Variants in CCDC85C observed in about 807,000 individuals in gnomAD.
CCDC85C encodes the protein coiled-coil domain containing 85C, also known as coiled-coil domain-containing protein 85C.
In CCDC85C, 18 loss-of-function variants were observed where a neutral mutation model predicts 38.3. The observed-to-expected ratio is 0.47, with a 90% CI of 0.33 to 0.70. The LOEUF (loss-of-function observed/expected upper bound fraction) is 0.70, where lower values mean the gene tolerates loss of function less well. Ranked by LOEUF, CCDC85C falls within the 30% of genes least tolerant of loss-of-function variation. The probability of loss-of-function intolerance (pLI) is 0.03; values close to 1 mark genes in which losing one functional copy is unlikely to be tolerated. For missense variants in CCDC85C, 566 were observed against 621.2 expected (o/e 0.91, Z 0.94); for synonymous variants, 264 against 293.8 (o/e 0.90, Z 1.04).
chr14:99,519,507 A>G (rs994315408), intron 3 of CCDC85C, among the ~76,000 whole-genome samples: 4 of 152,256 alleles, frequency 2.6e-5, no homozygotes, highest in Middle Eastern at 3.4e-3. Flanking sequence ...CTGGGCGCCA[A>G]ACCCAAGTCT....
At chr14:99,574,027 A>G (rs1350357660) in intron 1 of CCDC85C, among the ~76,000 whole-genome samples, 1 of 152,220 alleles carries the variant, frequency 6.6e-6, no homozygotes, top group Non-Finnish European at 1.5e-5. Context: ...TGGAACTGGC[A>G]TTTGGATCTT....
Position 99,509,813 on chromosome 14 carries a change from A to G in CCDC85C, c.*5433T>C. On this transcript the variant is annotated 3_prime_UTR_variant, in exon 6 of 6. Transcript: ENST00000380243. The stretch of plus-strand genomic sequence containing the variant: ...CCCTGGGGTCAGTTTCTGAAGGCAG[A>G]AAAACAGAGGAGCCCCCACACGTTT... The G allele has an allele frequency of 2.8e-6, 1 of 351,030 alleles. No homozygotes were observed. Among genetic ancestry groups the G allele is most frequent in the Non-Finnish European group, 5.2e-6 (1 of 192,608 alleles). 21.7% of individuals were successfully genotyped at this position (351,030 alleles called of 1,614,324 possible).
At chr14:99,582,588 G>A (rs2054985166) in intron 1 of CCDC85C, among the ~76,000 whole-genome samples, 2 of 152,094 alleles carry the variant, frequency 1.3e-5, no homozygotes, top group Admixed American at 6.5e-5. Context: ...AGCCAAGCCA[G>A]GTGGATCACC....
At chr14:99,555,357 G>A (rs902988237) in intron 1 of CCDC85C, among the ~76,000 whole-genome samples, 1 of 152,182 alleles carries the variant, frequency 6.6e-6, no homozygotes, top group Non-Finnish European at 1.5e-5. Context: ...GGTGTCCGCC[G>A]GCTTGTCCAA....
At position 99,507,254 on chromosome 14, in the gene CCDC85C, AAT is replaced by A. The variant is rs1883081124; in HGVS notation, c.*7990_*7991del. On this transcript the variant is annotated 3_prime_UTR_variant, in exon 6 of 6. Coordinates refer to ENST00000380243, the MANE Select transcript of CCDC85C (RefSeq NM_001144995.2). Reference sequence around the variant, plus strand: ...AAGGGAGACTGGGGCCCAGATTGACAATGTCAGCCACAGGCAGGAATCTTTGC... The same window carrying A: ...AAGGGAGACTGGGGCCCAGATTGACAGTCAGCCACAGGCAGGAATCTTTGC... 1 of 773,310 alleles carries A rather than the reference AAT, an allele frequency of 1.3e-6. No individual in the cohort carries two copies. Among genetic ancestry groups the A allele is most frequent in the African/African-American group, 1.7e-5 (1 of 58,574 alleles). 47.9% of individuals were successfully genotyped at this position (773,310 alleles called of 1,614,324 possible). A position where few individuals can be genotyped will look rare whatever the true frequency, so the allele number is the denominator to read the frequency against.
intron 1 of CCDC85C, among the ~76,000 whole-genome samples, chr14:99,560,421 T>C (rs2139948387): frequency 6.6e-6 from 1 of 152,114 alleles, no homozygotes; most frequent in East Asian, 1.9e-4. Flanking sequence ...GGATGACTGC[T>C]CACAGCACCA....
chr14:99,597,062 C>A (rs2055150698), intron 1 of CCDC85C, among the ~76,000 whole-genome samples: 1 of 152,132 alleles, frequency 6.6e-6, no homozygotes, highest in South Asian at 2.1e-4. Context: ...ACAGAAGGCT[C>A]TCTCCTGTGG....
chr14:99,579,700 C>A (rs192406820), intron 1 of CCDC85C, among the ~76,000 whole-genome samples: 1 of 151,942 alleles, frequency 6.6e-6, no homozygotes, highest in South Asian at 2.1e-4. Context: ...GGGGAGGCAG[C>A]GGGAGGCAGG....
In CCDC85C at chr14:99,588,159, G is replaced by C. The variant is rs996840066; in HGVS notation, c.793+15008C>G. On this transcript the variant is annotated intron_variant, in intron 1 of 5. Coordinates refer to ENST00000380243, the MANE Select transcript of CCDC85C (RefSeq NM_001144995.2). This position sits in a 1 kb window ranked among gnomAD's most constrained non-coding sequence, Gnocchi z 5.0. ...GCAGACCAACAAGGGGCAGGTCTGGGGAGACAAGCATCTCAGCCGAACACA... is the reference window on the plus strand; with the variant it reads ...GCAGACCAACAAGGGGCAGGTCTGGCGAGACAAGCATCTCAGCCGAACACA... 6.6e-6 allele frequency among the ~76,000 whole-genome samples: 1 copy of C among 152,142 alleles called. No individual in the cohort carries two copies. Among genetic ancestry groups the C allele is most frequent in the Admixed American group, 6.5e-5 (1 of 15,274 alleles).
intron 1 of CCDC85C, chr14:99,579,894 C>T (rs2054946587): frequency 2.9e-6 from 1 of 340,788 alleles, no homozygotes; most frequent in African/African-American, 2.2e-5. Context: ...CCAGAGGTCG[C>T]CCAAGGCCAG....
At chr14:99,568,839 A>C (rs937498229) in intron 1 of CCDC85C, among the ~76,000 whole-genome samples, 1 of 152,246 alleles carries the variant, frequency 6.6e-6, no homozygotes, top group Non-Finnish European at 1.5e-5. Context: ...CCAGGCCATC[A>C]ACAATGTGGA....
At position 99,515,112 on chromosome 14, in the gene CCDC85C, G is replaced by T; in HGVS notation, c.*134C>A. On this transcript the variant is annotated 3_prime_UTR_variant, in exon 6 of 6. Coordinates refer to ENST00000380243, the MANE Select transcript of CCDC85C (RefSeq NM_001144995.2). ...GACCCATGGCAGCTGGGCCAGGGCG[G>T]GCAGCGTCCTATGTACAGTTCACCA... 1.6e-6 allele frequency: 1 copy of T among 642,170 alleles called. No individual in the cohort carries two copies. Among genetic ancestry groups the T allele is most frequent in the Non-Finnish European group, 2.6e-6 (1 of 378,746 alleles). 39.8% of individuals were successfully genotyped at this position (642,170 alleles called of 1,614,324 possible).
At chr14:99,583,883 G>C (rs2055000565) in intron 1 of CCDC85C, among the ~76,000 whole-genome samples, 2 of 150,760 alleles carry the variant, frequency 1.3e-5, no homozygotes, top group Non-Finnish European at 1.5e-5. Flanking sequence ...TGCACACACA[G>C]AGAAATGAGT....
intron 2 of CCDC85C, among the ~76,000 whole-genome samples, chr14:99,530,524 C>T (rs1897472210): frequency 6.6e-6 from 1 of 152,176 alleles, no homozygotes; most frequent in South Asian, 2.1e-4. Context: ...CCTAGGGACA[C>T]AGAACTGAAG....
chr14:99,575,977 C>T (rs995346166), intron 1 of CCDC85C, among the ~76,000 whole-genome samples: 1 of 152,206 alleles, frequency 6.6e-6, no homozygotes, highest in African/African-American at 2.4e-5. Flanking sequence ...ACACCCCATC[C>T]ACTCCCTTCC....
intron 1 of CCDC85C, among the ~76,000 whole-genome samples, chr14:99,601,124 A>G (rs1478639386): frequency 1.3e-5 from 2 of 152,262 alleles, no homozygotes; most frequent in Non-Finnish European, 2.9e-5. Context: ...ACCACATCCC[A>G]AGGCCACACA....
At chr14:99,582,111 G>T (rs2054978156) in intron 1 of CCDC85C, among the ~76,000 whole-genome samples, 1 of 152,174 alleles carries the variant, frequency 6.6e-6, no homozygotes, top group African/African-American at 2.4e-5. Context: ...GCCACACCCA[G>T]CGGGGGCGGG....
Position 99,548,568 on chromosome 14 carries a change from C to G in CCDC85C, c.794-12480G>C, listed in dbSNP as rs1283933143. 6.6e-6 allele frequency among the ~76,000 whole-genome samples: 1 copy of G among 151,388 alleles called. No individual in the cohort carries two copies. The highest frequency in any genetic ancestry group is 1.5e-5 in the Non-Finnish European group (1 of 67,970). ...ACCGTGTCTGCCAACACCAGCTGTA[C>G]TAGTGAAAACTGTAAACCACCCAAA... On this transcript the variant is annotated intron_variant, in intron 1 of 5. Transcript: ENST00000380243. This position sits in a 1 kb window ranked among gnomAD's most constrained non-coding sequence, Gnocchi z 4.9.
In CCDC85C at chr14:99,533,487, G is replaced by A. The variant is rs966536777; in HGVS notation, c.867+2528C>T. Among the ~76,000 whole-genome samples, 3 of 152,202 alleles carry A rather than the reference G, an allele frequency of 2.0e-5. No individual in the cohort carries two copies. In the East Asian group the frequency reaches 5.8e-4, roughly 29 times the overall value. On this transcript the variant is annotated intron_variant, in intron 2 of 5. Coordinates refer to ENST00000380243, the MANE Select transcript of CCDC85C (RefSeq NM_001144995.2). The surrounding 1 kb of genome is among the most constrained non-coding windows in gnomAD (Gnocchi z 4.2). ...CTGCACTGGATGATCTCTGAATTCCGCGCCCTGGTTGTATGTAACAACAAG... is the reference window on the plus strand; with the variant it reads ...CTGCACTGGATGATCTCTGAATTCCACGCCCTGGTTGTATGTAACAACAAG...
Sources: gnomAD v4.1 joint callset for allele counts (sites outside exome capture counted in the v4.1 genomes callset) on GRCh38, gnomAD v4.1.1 for gene constraint, Gnocchi (gnomAD v3.1) non-coding constraint, MANE v1.5 for transcripts, NCBI Gene and HGNC (gene_info 2026-07-23, HGNC 2026-07-21) for gene names.